Variants in FAM20C observed in about 807,000 individuals in gnomAD.
The protein encoded by FAM20C is FAM20C golgi associated secretory pathway kinase.
A neutral mutation model predicts 51.5 loss-of-function variants in FAM20C; 40 were observed. The ratio of observed to expected loss-of-function variants is 0.78; its 90% CI spans 0.60 to 1.01. The LOEUF is 1.01. Among genes scored for constraint, FAM20C ranks in the 50% least tolerant of loss-of-function variants. The pLI, the probability that FAM20C is intolerant of heterozygous loss-of-function variation, is 0.00. For synonymous variants in FAM20C, 406 were observed against 380.6 expected, an observed-to-expected ratio of 1.07 and a Z score of -0.78; for missense variants, 861 against 844.7, an observed-to-expected ratio of 1.02 and a Z score of -0.24.
At position 228,527 on chromosome 7, in the gene FAM20C, T is replaced by C. The variant is rs930723109; in HGVS notation, c.864-17888T>C. The C allele has an allele frequency of 8.8e-6, 4 of 456,112 alleles. No individual in the cohort carries two copies. The Admixed American group carries it at 9.4e-5, about 11-fold the overall frequency. The allele number at this position is 456,112 out of a possible 1,614,324, so 28.3% of individuals were successfully genotyped here. A position where few individuals can be genotyped will look rare whatever the true frequency, so the allele number is the denominator to read the frequency against. ...CCCCTGTGAGAGGCTGACACTGCCA[T>C]GGGGGCTGTGGAGGGTGGAAGGGGA... On this transcript the variant is annotated intron_variant, in intron 3 of 9. Coordinates refer to ENST00000313766, the MANE Select transcript of FAM20C (RefSeq NM_020223.4).
intron 3 of FAM20C, among the ~76,000 whole-genome samples, chr7:218,761 C>G (rs1341909352): frequency 6.6e-6 from 1 of 152,156 alleles, no homozygotes; most frequent in Admixed American, 6.5e-5. Context: ...GACACAGGCC[C>G]AGGACGCACA....
intron 2 of FAM20C, among the ~76,000 whole-genome samples, chr7:199,570 G>A (rs574647919): frequency 9.8e-5 from 15 of 152,324 alleles, no homozygotes; most frequent in East Asian, 9.7e-4. Flanking sequence ...CGATGCCTGC[G>A]AGTCTCCAAA....
At chr7:216,676 T>TGTGA (rs548525547) in intron 3 of FAM20C, among the ~76,000 whole-genome samples, 10,684 of 142,602 alleles carry the variant, frequency 0.075, 662 homozygotes, top group East Asian at 0.27. Flanking sequence ...AGACAGAGTG[T>TGTGA]GTGTGAGAGT....
At chr7:205,340 A>C (rs1786323880) in intron 2 of FAM20C, among the ~76,000 whole-genome samples, 1 of 150,868 alleles carries the variant, frequency 6.6e-6, no homozygotes, top group Non-Finnish European at 1.5e-5. Flanking sequence ...GACCACGGAC[A>C]CGCACCGCCA....
chr7:246,262 G>T, intron 3 of FAM20C, 153 bp from the exon 4 acceptor site: 1 of 658,946 alleles, frequency 1.5e-6, no homozygotes, highest in South Asian at 1.7e-5. Flanking sequence ...TCGGCAGCTG[G>T]GTGCCCAGGG....
At chr7:196,747 T>C (rs1029929765) in intron 2 of FAM20C, among the ~76,000 whole-genome samples, 2 of 152,210 alleles carry the variant, frequency 1.3e-5, no homozygotes, top group Non-Finnish European at 2.9e-5. Flanking sequence ...TAGGTTCTCC[T>C]GAGCTCTTCG....
At chr7:228,807 G>C (rs1220726087) in intron 3 of FAM20C, 1 of 456,158 alleles carries the variant, frequency 2.2e-6, no homozygotes, top group Admixed American at 2.3e-5. Context: ...GCATGAGTGG[G>C]GTCCCGGGCA....
intron 2 of FAM20C, 62 bp from the exon 3 acceptor site, chr7:208,836 C>T (rs1433984210): frequency 6.6e-7 from 1 of 1,515,010 alleles, no homozygotes. Flanking sequence ...CCCTCGTCCG[C>T]ACAGGAGAAG....
chr7:206,531 G>C (rs533085486), intron 2 of FAM20C, among the ~76,000 whole-genome samples: 4 of 148,166 alleles, frequency 2.7e-5, no homozygotes, highest in Non-Finnish European at 6.0e-5. Context: ...TGGTCCCCTC[G>C]GCCCTGCACA....
At chr7:247,859 C>T (rs948668800) in intron 4 of FAM20C, among the ~76,000 whole-genome samples, 2 of 152,226 alleles carry the variant, frequency 1.3e-5, no homozygotes, top group African/African-American at 4.8e-5. Context: ...CCACGTCCCT[C>T]CACACCTGGT....
intron 9 of FAM20C, 53 bp downstream of exon 9, chr7:258,758 G>A: frequency 1.4e-6 from 2 of 1,476,520 alleles, no homozygotes; most frequent in Non-Finnish European, 1.8e-6. Flanking sequence ...CTACTGCGCA[G>A]GAGACAGAGG....
At chr7:203,120 A>G (rs1583282914) in intron 2 of FAM20C, among the ~76,000 whole-genome samples, 1 of 152,138 alleles carries the variant, frequency 6.6e-6, no homozygotes, top group African/African-American at 2.4e-5. Flanking sequence ...GGTCTGTGCC[A>G]GGATGCCCCC....
intron 9 of FAM20C, among the ~76,000 whole-genome samples, chr7:259,021 C>T (rs1055974530): frequency 1.3e-5 from 2 of 152,224 alleles, no homozygotes; most frequent in Admixed American, 6.5e-5. Context: ...ACCCTGCTCC[C>T]GCACGCAGCT....
At chr7:231,702 G>A (rs139026985) in intron 3 of FAM20C, among the ~76,000 whole-genome samples, 4,103 of 152,294 alleles carry the variant, frequency 0.027, 85 homozygotes, top group Middle Eastern at 0.065. Context: ...TGAGGGGCGC[G>A]TGCGTCTGGC....
intron 4 of FAM20C, among the ~76,000 whole-genome samples, chr7:247,763 C>T (rs1307815719): frequency 2.6e-5 from 4 of 152,134 alleles, no homozygotes; most frequent in Non-Finnish European, 4.4e-5. Context: ...AGCACCCAGG[C>T]GAGCCGTCTG....
At chr7:213,573 A>T (rs1786828712) in intron 3 of FAM20C, among the ~76,000 whole-genome samples, 1 of 151,922 alleles carries the variant, frequency 6.6e-6, no homozygotes, top group African/African-American at 2.4e-5. Flanking sequence ...TCCTCTGTTG[A>T]CGGGCATTTG....
intron 3 of FAM20C, chr7:245,870 C>G (rs918568715): frequency 6.5e-6 from 1 of 152,756 alleles, no homozygotes; most frequent in Non-Finnish European, 1.5e-5. Flanking sequence ...CCACATTGCC[C>G]TTCTTGGGCT....
intron 8 of FAM20C, chr7:257,291 C>T (rs1004286011): frequency 5.4e-5 from 32 of 588,150 alleles, no homozygotes; most frequent in Admixed American, 1.2e-4. Flanking sequence ...GTGGGACCTC[C>T]GAGGCACAGG....
chr7:249,839 C>A (rs983967123), intron 5 of FAM20C, among the ~76,000 whole-genome samples: 3 of 152,226 alleles, frequency 2.0e-5, no homozygotes, highest in African/African-American at 7.2e-5. Flanking sequence ...TGCTGCACAG[C>A]CTGTTCCCAT....
Sources: allele counts gnomAD v4.1 joint callset (sites outside exome capture counted in the v4.1 genomes callset), GRCh38; gene constraint gnomAD v4.1.1; transcripts MANE v1.5; gene names NCBI Gene and HGNC (gene_info 2026-07-23, HGNC 2026-07-21).